LIG3: variants seen among roughly 807,000 people sequenced by gnomAD.
The protein encoded by LIG3 is ligase II, DNA, ATP-dependent.
In LIG3, 58 loss-of-function variants were observed where a neutral mutation model predicts 110.9. The ratio of observed to expected loss-of-function variants is 0.52; its 90% CI spans 0.42 to 0.65. LIG3 has a LOEUF of 0.65. Among genes scored for constraint, LIG3 ranks in the 30% least tolerant of loss-of-function variants. The pLI, the probability that LIG3 is intolerant of heterozygous loss-of-function variation, is 0.00. For synonymous variants in LIG3, 422 were observed against 472.8 expected, an observed-to-expected ratio of 0.89 and a Z score of 1.39; for missense variants, 1,094 against 1,273.8, an observed-to-expected ratio of 0.86 and a Z score of 2.15.
At chr17:34,999,703 TA>T in intron 15 of LIG3, 78 bp from the exon 16 acceptor site, 1 of 1,339,616 alleles carries the variant, frequency 7.5e-7, no homozygotes, top group Admixed American at 1.7e-5. Context: ...TGGCTTCTTA[TA>T]ATCTCATTAC....
At chr17:34,983,642 C>CT in intron 2 of LIG3, 90 bp downstream of exon 2, 1 of 1,294,012 alleles carries the variant, frequency 7.7e-7, no homozygotes, top group South Asian at 1.6e-5. Flanking sequence ...TTTTTTTTAA[C>CT]TTTGCTCTTT....
intron 19 of LIG3, 146 bp from the exon 20 acceptor site, chr17:35,004,127 G>C (rs2090873899): frequency 3.2e-6 from 2 of 626,452 alleles, no homozygotes; most frequent in Middle Eastern, 8.6e-4. Flanking sequence ...TGGAGGGGTG[G>C]GGGTATTGAT....
chr17:35,001,824 C>G (rs905547304), intron 17 of LIG3, 85 bp from the exon 18 acceptor site: 2 of 1,218,028 alleles, frequency 1.6e-6, no homozygotes, highest in Middle Eastern at 2.0e-4. Context: ...TTCCCATATG[C>G]GCCTAAAATA....
intron 15 of LIG3, 69 bp downstream of exon 15, chr17:34,999,518 T>C: frequency 6.4e-7 from 1 of 1,555,106 alleles, no homozygotes; most frequent in Admixed American, 1.8e-5. Context: ...GGCTGTGCTT[T>C]GGGGACTACA....
At chr17:35,002,428 C>T (rs3136026) in intron 18 of LIG3, among the ~76,000 whole-genome samples, 2,960 of 152,258 alleles carry the variant, frequency 0.019, 94 homozygotes, top group African/African-American at 0.066. Context: ...CAGAGAAAGC[C>T]CCTGGTCCTT....
rs765154462 is a variant in LIG3, at chr17:34,989,676, CA to C, written c.889+14del. 94 of 1,613,568 alleles carry C rather than the reference CA, an allele frequency of 5.8e-5. No homozygotes were observed. The highest frequency in any genetic ancestry group is 1.1e-5 in the South Asian group (1 of 91,054). On this transcript the variant is annotated intron_variant, in intron 4 of 19. Coordinates refer to ENST00000378526, the MANE Select transcript of LIG3 (RefSeq NM_013975.4). ...GGCTCAGCAGGAGGTGTGGCATGAGCATCCTGAATAGGCCTTTCCTCCGGAG... is the reference window on the plus strand; with the variant it reads ...GGCTCAGCAGGAGGTGTGGCATGAGCTCCTGAATAGGCCTTTCCTCCGGAG...
chr17:35,002,479 C>A (rs1471571675), intron 18 of LIG3, among the ~76,000 whole-genome samples, 189 bp from the exon 19 acceptor site: 10 of 152,208 alleles, frequency 6.6e-5, no homozygotes, highest in Admixed American at 6.5e-4. Flanking sequence ...TATCAGCAAT[C>A]CCTACCCTCT....
At chr17:34,996,755 G>A (rs1483128520) in intron 11 of LIG3, 102 bp downstream of exon 11, 9 of 976,360 alleles carry the variant, frequency 9.2e-6, no homozygotes, top group African/African-American at 1.6e-5. Context: ...AGGGTACAGG[G>A]AACCAGCTGG....
Position 35,005,419 on chromosome 17 carries a change from T to G in LIG3, c.*913T>G, listed in dbSNP as rs984193133. On this transcript the variant is annotated 3_prime_UTR_variant, in exon 20 of 20. Transcript: ENST00000378526. The stretch of plus-strand genomic sequence containing the variant: ...CTGTGTATGCTCTGGTGGTGGTGTC[T>G]TACTTCCTCATGACTGGAGGAATAA... 1.8e-6 allele frequency: 1 copy of G among 560,062 alleles called. No homozygotes were observed. Among genetic ancestry groups the G allele is most frequent in the Non-Finnish European group, 3.6e-6 (1 of 276,360 alleles). The allele number at this position is 560,062 out of a possible 1,614,324, so 34.7% of individuals were successfully genotyped here. A position where few individuals can be genotyped will look rare whatever the true frequency, so the allele number is the denominator to read the frequency against.
intron 19 of LIG3, 143 bp from the exon 20 acceptor site, chr17:35,004,130 G>A: frequency 1.6e-6 from 1 of 631,622 alleles, no homozygotes; most frequent in South Asian, 1.9e-5. Context: ...AGGGGTGGGG[G>A]TATTGATGCA....
rs975069387 is a variant in LIG3, at chr17:34,992,778, A to C, written c.1455+86A>C. ...GAGATCAGATAGGGTATGAGTGTTG[A>C]GAGCACTTGCAAATTGACTGGAGAA... is the stretch of plus-strand genomic sequence containing the variant. On this transcript the variant is annotated intron_variant, in intron 8 of 19. Coordinates refer to ENST00000378526, the MANE Select transcript of LIG3 (RefSeq NM_013975.4). 27 of 1,300,412 alleles carry C rather than the reference A, an allele frequency of 2.1e-5. 1 individual carries two copies. The highest frequency in any genetic ancestry group is 2.8e-5 in the Non-Finnish European group (27 of 980,782). 80.6% of individuals were successfully genotyped at this position (1,300,412 alleles called of 1,614,324 possible). A position where few individuals can be genotyped will look rare whatever the true frequency, so the allele number is the denominator to read the frequency against.
At chr17:34,982,959 A>G (rs761994294) in intron 1 of LIG3, 43 bp from the exon 2 acceptor site, 6 of 1,348,378 alleles carry the variant, frequency 4.4e-6, no homozygotes, top group Non-Finnish European at 6.0e-6. Context: ...CTCCTTGTTT[A>G]TATCTTTTTT....
Position 35,003,187 on chromosome 17 carries a change from C to T in LIG3, c.2796+398C>T. On this transcript the variant is annotated intron_variant, in intron 19 of 19. Coordinates refer to ENST00000378526, the MANE Select transcript of LIG3 (RefSeq NM_013975.4). ...TTTGTGGTCAGGGTGGAAGCAGGTC[C>T]AGCAAGCAGCGAGTCGGGGAGAGGG... 2.7e-6 allele frequency: 4 copies of T among 1,501,360 alleles called. No individual in the cohort carries two copies. In the South Asian group the frequency reaches 3.9e-5, roughly 15 times the overall value. 93.0% of individuals were successfully genotyped at this position (1,501,360 alleles called of 1,614,324 possible).
rs2090896307 is a variant in LIG3 at position 35,006,515 on chromosome 17, T to TA, written c.*2010dup. On this transcript the variant is annotated 3_prime_UTR_variant, in exon 20 of 20. Transcript: ENST00000378526. ...CCTGAGCAACATTATGTAAAGCACT[T>TA]AGCCCAGAGCCTAGCACATAGTTAT... 1.3e-5 allele frequency: 2 copies of TA among 152,254 alleles called. No homozygotes were observed. The highest frequency in any genetic ancestry group is 6.5e-5 in the Admixed American group (1 of 15,276). The allele number at this position is 152,254 out of a possible 1,614,324, so 9.4% of individuals were successfully genotyped here. A position where few individuals can be genotyped will look rare whatever the true frequency, so the allele number is the denominator to read the frequency against.
intron 17 of LIG3, 132 bp downstream of exon 17, chr17:35,001,535 A>C (rs752699938): frequency 1.5e-5 from 14 of 939,466 alleles, no homozygotes; most frequent in Non-Finnish European, 2.2e-5. Flanking sequence ...CAAGGAGGGC[A>C]ATTAGAGAGG....
At chr17:34,998,158 C>T (rs770397038) in intron 12 of LIG3, 61 bp from the exon 13 acceptor site, 2 of 1,282,262 alleles carry the variant, frequency 1.6e-6, no homozygotes, top group Admixed American at 3.8e-5. Context: ...AGGAACAACC[C>T]CCACTCACTC....
rs570872571 is a variant in LIG3 at position 35,008,468 on chromosome 17, C to G, written c.*3962C>G. The G allele has an allele frequency of 2.0e-5, 3 of 151,780 alleles. No homozygotes were observed. In the South Asian group the frequency reaches 6.3e-4, roughly 32 times the overall value. The allele number at this position is 151,780 out of a possible 1,614,324, so 9.4% of individuals were successfully genotyped here. ...TTTTTTTTTAATACAGGGTCTCACTCTGTCACCCTGGCTGGAGTGCGGTGG... is the reference window on the plus strand; with the variant it reads ...TTTTTTTTTAATACAGGGTCTCACTGTGTCACCCTGGCTGGAGTGCGGTGG... On this transcript the variant is annotated 3_prime_UTR_variant, in exon 20 of 20. Transcript: ENST00000378526.
chr17:34,992,843 C>A, intron 8 of LIG3, 151 bp downstream of exon 8: 1 of 747,600 alleles, frequency 1.3e-6, no homozygotes, highest in Non-Finnish European at 2.0e-6. Flanking sequence ...GGGTATTTCT[C>A]TGTAGGAGGC....
Position 35,002,575 on chromosome 17 carries a change from T to C in LIG3, c.2675-93T>C, listed in dbSNP as rs1220621894. The C allele has an allele frequency of 3.6e-6, 5 of 1,406,370 alleles. No homozygotes were observed. In the African/African-American group the frequency reaches 5.7e-5, roughly 16 times the overall value. 87.1% of individuals were successfully genotyped at this position (1,406,370 alleles called of 1,614,324 possible). A position where few individuals can be genotyped will look rare whatever the true frequency, so the allele number is the denominator to read the frequency against. ...GTGCAGTGGCACGACCATAGCTCAC[T>C]GCAGCCTCGAACTCCTGAGTTGAAT... On this transcript the variant is annotated intron_variant, in intron 18 of 19. Transcript: ENST00000378526.
Sources: allele counts gnomAD v4.1 joint callset (sites outside exome capture counted in the v4.1 genomes callset), GRCh38; gene constraint gnomAD v4.1.1; transcripts MANE v1.5; gene names NCBI Gene and HGNC (gene_info 2026-07-23, HGNC 2026-07-21).